Variants in EYS observed in about 807,000 individuals in gnomAD.
The protein encoded by EYS is EGF-like photoreceptor maintenance factor, also known as protein eyes shut homolog.
EYS carries 250 observed loss-of-function variants against 282.1 expected under a neutral mutation model. The ratio of observed to expected loss-of-function variants is 0.89; its 90% confidence interval spans 0.80 to 0.98. The LOEUF is 0.98. Ranked by LOEUF, EYS falls within the 50% of genes least tolerant of loss-of-function variation. The pLI is 0.00. For missense variants in EYS, 4,016 were observed against 3,709.0 expected (o/e 1.08, Z -2.15); for synonymous variants, 1,355 against 1,282.9 (o/e 1.06, Z -1.20).
chr6:64,850,864 G>C (rs930969040), intron 19 of EYS, among the ~76,000 whole-genome samples: 1 of 152,040 alleles, frequency 6.6e-6, no homozygotes, highest in Non-Finnish European at 1.5e-5. Flanking sequence ...TTTTGAAATA[G>C]CTAGATGACA....
intron 26 of EYS, among the ~76,000 whole-genome samples, chr6:64,484,866 C>T (rs9294510): frequency 0.32 from 47,830 of 151,122 alleles, 7,667 homozygotes; most frequent in East Asian, 0.5. Flanking sequence ...AGGACATTTA[C>T]GGAATTAGGG....
chr6:63,860,416 A>G (rs1328627122), intron 36 of EYS, among the ~76,000 whole-genome samples: 1 of 152,222 alleles, frequency 6.6e-6, no homozygotes, highest in Non-Finnish European at 1.5e-5. Context: ...TTGCATGGCA[A>G]TCTAGAAGTG....
intron 22 of EYS, among the ~76,000 whole-genome samples, chr6:64,655,107 C>T (rs1159192256): frequency 6.6e-6 from 1 of 152,122 alleles, no homozygotes; most frequent in Non-Finnish European, 1.5e-5. Context: ...AATCATTGCT[C>T]ACCTGCAGCC....
At chr6:65,035,509 C>G (rs1018229403) in intron 13 of EYS, among the ~76,000 whole-genome samples, 1 of 151,968 alleles carries the variant, frequency 6.6e-6, no homozygotes, top group Non-Finnish European at 1.5e-5. Context: ...AATCAATGTA[C>G]AAAAATCACT....
chr6:65,632,455 T>C (rs557604120), intron 2 of EYS, among the ~76,000 whole-genome samples: 1 of 152,322 alleles, frequency 6.6e-6, no homozygotes, highest in South Asian at 2.1e-4. Flanking sequence ...TCACTAACTC[T>C]ATAAAGACAA....
intron 33 of EYS, among the ~76,000 whole-genome samples, chr6:64,047,472 C>G (rs990698352): frequency 1.3e-5 from 2 of 152,072 alleles, no homozygotes; most frequent in Non-Finnish European, 2.9e-5. Context: ...ACTTGATGGG[C>G]GTGCAGAACT....
intron 1 of EYS, among the ~76,000 whole-genome samples, chr6:65,654,810 C>A (rs1415894367): frequency 6.6e-6 from 1 of 151,354 alleles, no homozygotes; most frequent in Non-Finnish European, 1.5e-5. Flanking sequence ...GACCATACCA[C>A]GGAGAGACAC....
At chr6:64,376,038 A>G (rs1772553145) in intron 29 of EYS, among the ~76,000 whole-genome samples, 1 of 152,244 alleles carries the variant, frequency 6.6e-6, no homozygotes, top group Admixed American at 6.5e-5. Context: ...GAGTCCTTCT[A>G]GAGGCAGATA....
intron 8 of EYS, among the ~76,000 whole-genome samples, chr6:65,372,771 T>G (rs1208331320): frequency 6.6e-6 from 1 of 152,074 alleles, no homozygotes; most frequent in Non-Finnish European, 1.5e-5. Flanking sequence ...GCCACTTCAA[T>G]TATAAAGAAA....
intron 22 of EYS, among the ~76,000 whole-genome samples, chr6:64,747,544 C>G (rs538779650): frequency 6.6e-6 from 1 of 152,252 alleles, no homozygotes; most frequent in East Asian, 1.9e-4. Flanking sequence ...CCATGCCCAG[C>G]TAATTTTTGT....
intron 23 of EYS, among the ~76,000 whole-genome samples, chr6:64,625,357 C>T (rs1159664419): frequency 6.6e-6 from 1 of 152,060 alleles, no homozygotes; most frequent in Non-Finnish European, 1.5e-5. Flanking sequence ...AACAAAAATA[C>T]CATAAACTGG....
chr6:65,525,229 G>A (rs1321723436), intron 2 of EYS, among the ~76,000 whole-genome samples: 1 of 151,982 alleles, frequency 6.6e-6, no homozygotes, highest in African/African-American at 2.4e-5. Context: ...TGAAAAAACT[G>A]GGGAATCATG....
At chr6:63,943,108 CAT>C (rs1765291752) in intron 35 of EYS, among the ~76,000 whole-genome samples, 1 of 152,178 alleles carries the variant, frequency 6.6e-6, no homozygotes, top group Non-Finnish European at 1.5e-5. Context: ...AGTCAAGAAT[CAT>C]GTGGATTTTT....
intron 1 of EYS, among the ~76,000 whole-genome samples, chr6:65,670,796 T>A (rs960897807): frequency 4.6e-5 from 7 of 152,102 alleles, no homozygotes; most frequent in African/African-American, 1.7e-4. Context: ...TCATTCCATA[T>A]TTAAAAACAT....
chr6:64,017,413 ATT>A (rs1768947554), intron 33 of EYS, among the ~76,000 whole-genome samples: 1 of 152,088 alleles, frequency 6.6e-6, no homozygotes, highest in South Asian at 2.1e-4. Context: ...ACGAGATTTC[ATT>A]TGTTTCCATG....
At chr6:64,721,741 CTAAGAATCATTTT>C (rs760557764) in intron 22 of EYS, among the ~76,000 whole-genome samples, 44 of 152,128 alleles carry the variant, frequency 2.9e-4, no homozygotes, top group Non-Finnish European at 4.9e-4. Context: ...GTTTAAAGTA[CTAAGAATCATTTT>C]TATAGAATAA....
chr6:64,192,090 C>A (rs1765131758), intron 31 of EYS, among the ~76,000 whole-genome samples: 1 of 137,146 alleles, frequency 7.3e-6, no homozygotes, highest in South Asian at 2.4e-4. Flanking sequence ...TGATGGTAAG[C>A]ATTTTTTCAT....
At chr6:64,521,692 T>C (rs1016579964) in intron 26 of EYS, among the ~76,000 whole-genome samples, 1 of 151,808 alleles carries the variant, frequency 6.6e-6, no homozygotes, top group Non-Finnish European at 1.5e-5. Context: ...CAACCAATAA[T>C]GCAGCACATC....
At chr6:64,042,201 G>T (rs2149837980) in intron 33 of EYS, among the ~76,000 whole-genome samples, 1 of 152,294 alleles carries the variant, frequency 6.6e-6, no homozygotes, top group South Asian at 2.1e-4. Flanking sequence ...GGAGTCATTT[G>T]TAGAATTAAT....
Sources: gnomAD v4.1 joint callset for allele counts (sites outside exome capture counted in the v4.1 genomes callset) on GRCh38, gnomAD v4.1.1 for gene constraint, MANE v1.5 for transcripts, NCBI Gene and HGNC (gene_info 2026-07-23, HGNC 2026-07-21) for gene names.